ARHGAP32: variants seen among roughly 807,000 people sequenced by gnomAD.
ARHGAP32 encodes the protein rho GTPase-activating protein 32.
In ARHGAP32, 51 loss-of-function variants were observed where a neutral mutation model predicts 186.5. That is an observed-to-expected ratio of 0.27 (90% CI 0.22 to 0.35). The LOEUF (loss-of-function observed/expected upper bound fraction) is 0.35, where lower values mean the gene tolerates loss of function less well. ARHGAP32 is among the 10% of genes least tolerant of loss of function. ARHGAP32 has a pLI of 1.00. For synonymous variants in ARHGAP32, 950 were observed against 964.3 expected (o/e 0.99, Z 0.27); for missense variants, 2,186 against 2,623.5 (o/e 0.83, Z 3.64).
chr11:129,185,424 G>A (rs1944139833), intron 1 of ARHGAP32, among the ~76,000 whole-genome samples: 1 of 152,132 alleles, frequency 6.6e-6, no homozygotes, highest in Non-Finnish European at 1.5e-5. Context: ...GACACAGGAA[G>A]GGGAACATCA....
intron 12 of ARHGAP32, among the ~76,000 whole-genome samples, chr11:128,991,063 T>C (rs184073678): frequency 5.9e-4 from 88 of 149,286 alleles, no homozygotes; most frequent in Non-Finnish European, 5.7e-4. Flanking sequence ...TAAGCTACCA[T>C]TTATAAAAAA....
chr11:129,158,587 C>G (rs1943464279), intron 2 of ARHGAP32, among the ~76,000 whole-genome samples: 1 of 152,104 alleles, frequency 6.6e-6, no homozygotes, highest in South Asian at 2.1e-4. Context: ...TACAAAGAGA[C>G]TTAGACTCCC....
At chr11:129,137,730 G>T (rs1942966382) in intron 2 of ARHGAP32, among the ~76,000 whole-genome samples, 1 of 152,028 alleles carries the variant, frequency 6.6e-6, no homozygotes, top group African/African-American at 2.4e-5. Context: ...TTTTGAGGGT[G>T]TGTGTCTGTG....
intron 5 of ARHGAP32, among the ~76,000 whole-genome samples, chr11:129,106,107 T>A (rs496084): frequency 0.13 from 19,404 of 152,154 alleles, 1,389 homozygotes; most frequent in South Asian, 0.31. Context: ...CGAAAGCAGT[T>A]TGGAGATATC....
At chr11:128,971,313 A>G in intron 22 of ARHGAP32, 154 bp from the exon 23 acceptor site, 1 of 606,132 alleles carries the variant, frequency 1.6e-6, no homozygotes, top group South Asian at 2.4e-5. Context: ...CATTTCTAGG[A>G]AAAGAAGGCT....
At chr11:129,273,620 G>A (rs766441354) in intron 1 of ARHGAP32, among the ~76,000 whole-genome samples, 6 of 152,102 alleles carry the variant, frequency 3.9e-5, no homozygotes, top group Non-Finnish European at 8.8e-5. Flanking sequence ...AACTTCACAT[G>A]ATATATTCTG....
intron 1 of ARHGAP32, among the ~76,000 whole-genome samples, chr11:129,210,336 C>A (rs147248245): frequency 6.6e-6 from 1 of 152,188 alleles, no homozygotes; most frequent in Non-Finnish European, 1.5e-5. Context: ...TACCTTACAA[C>A]TGTATGGGAA....
chr11:128,980,414 C>G, intron 18 of ARHGAP32, 139 bp downstream of exon 18: 1 of 586,590 alleles, frequency 1.7e-6, no homozygotes, highest in Non-Finnish European at 2.9e-6. Context: ...CATCCATATT[C>G]GAATAAACAG....
At chr11:129,204,185 C>A (rs1164700956) in intron 1 of ARHGAP32, among the ~76,000 whole-genome samples, 1 of 151,734 alleles carries the variant, frequency 6.6e-6, no homozygotes, top group Admixed American at 6.6e-5. Flanking sequence ...GTGGTCTTAT[C>A]ATACATATAA....
At chr11:129,200,549 G>A (rs2135574694) in intron 1 of ARHGAP32, among the ~76,000 whole-genome samples, 1 of 152,210 alleles carries the variant, frequency 6.6e-6, no homozygotes, top group African/African-American at 2.4e-5. Flanking sequence ...CACCAAGATT[G>A]TGAGGCCTCC....
At chr11:129,196,082 G>A (rs930873326), upstream of ARHGAP32, among the ~76,000 whole-genome samples, 8 of 152,148 alleles carry the variant, frequency 5.3e-5, no homozygotes, top group Admixed American at 1.3e-4. Flanking sequence ...GGAACCTGAG[G>A]GGAAGGGAAA....
chr11:129,096,905 G>A (rs887442637), intron 5 of ARHGAP32, among the ~76,000 whole-genome samples: 1 of 152,142 alleles, frequency 6.6e-6, no homozygotes, highest in Non-Finnish European at 1.5e-5. Context: ...GAGAAAATTA[G>A]AAAGTGACTG....
At chr11:129,111,089 A>T (rs1314361528) in intron 5 of ARHGAP32, among the ~76,000 whole-genome samples, 1 of 152,042 alleles carries the variant, frequency 6.6e-6, no homozygotes, top group Admixed American at 6.6e-5. Context: ...TATTATGTTG[A>T]AGTATGTTCC....
chr11:129,093,639 G>A lies in ARHGAP32; in HGVS notation c.513C>T (p.Leu171=), dbSNP rs192714184. Reference sequence around the variant, plus strand: ...AAATCACCTGACAAGCAATCTGCACGAGGTAGACCAGCTCTTTAGATTCAC... The same window carrying A: ...AAATCACCTGACAAGCAATCTGCACAAGGTAGACCAGCTCTTTAGATTCAC... ...NGCESKELVY[L]VQIACQGKSW... is the part of the protein sequence containing the mutation. Residue 171 remains leucine, a synonymous_variant, in exon 6 of 23, where the codon CTC becomes CTT. Transcript: ENST00000682385. The A allele has an allele frequency of 2.3e-5, 37 of 1,605,214 alleles. No individual in the cohort carries two copies. The African/African-American group carries it at 2.5e-4, about 11-fold the overall frequency.
intron 1 of ARHGAP32, among the ~76,000 whole-genome samples, chr11:129,224,220 T>A (rs1420796396): frequency 6.6e-6 from 1 of 152,186 alleles, no homozygotes; most frequent in Non-Finnish European, 1.5e-5. Flanking sequence ...TGGGCTGGAA[T>A]ATATGGCAAG....
chr11:129,080,666 T>C (rs748226377), intron 6 of ARHGAP32, among the ~76,000 whole-genome samples: 1 of 151,398 alleles, frequency 6.6e-6, no homozygotes, highest in African/African-American at 2.4e-5. Context: ...AGAGCACAAA[T>C]AGATAACTAA....
At position 128,967,562 on chromosome 11, in the gene ARHGAP32, A is replaced by C. The variant is rs931993275; in HGVS notation, c.*1345T>G. 1.3e-5 allele frequency: 2 copies of C among 152,246 alleles called. No homozygotes were observed. The highest frequency in any genetic ancestry group is 1.3e-4 in the Admixed American group (2 of 15,290). The allele number at this position is 152,246 out of a possible 1,614,324, so 9.4% of individuals were successfully genotyped here. On this transcript the variant is annotated 3_prime_UTR_variant, in exon 23 of 23. Transcript: ENST00000682385. ...AGTTGGGCTAGAGAGTTCCTACTCT[A>C]ATAAGGAATGCAACTTTCAAAACTC...
At chr11:129,194,575 T>C (rs765368136), upstream of ARHGAP32, among the ~76,000 whole-genome samples, 1 of 152,024 alleles carries the variant, frequency 6.6e-6, no homozygotes, top group Non-Finnish European at 1.5e-5. Context: ...ATGCAGACTA[T>C]CTATGGAAGA....
At chr11:129,174,374 C>G (rs1433627875) in intron 1 of ARHGAP32, among the ~76,000 whole-genome samples, 1 of 152,188 alleles carries the variant, frequency 6.6e-6, no homozygotes, top group Non-Finnish European at 1.5e-5. Flanking sequence ...GAGGGGCGCC[C>G]ACCATTGCCC....
Sources: gnomAD v4.1 joint callset for allele counts (sites outside exome capture counted in the v4.1 genomes callset) on GRCh38, gnomAD v4.1.1 for gene constraint, MANE v1.5 for transcripts, NCBI Gene and HGNC (gene_info 2026-07-23, HGNC 2026-07-21) for gene names.